LYST: variants seen among roughly 807,000 people sequenced by gnomAD.
LYST encodes lysosomal trafficking regulator, also known as lysosomal-trafficking regulator.
LYST carries 192 observed loss-of-function variants against 413.6 expected under a neutral mutation model. The observed-to-expected ratio is 0.46, with a 90% confidence interval of 0.41 to 0.52. LYST has a LOEUF of 0.52. Ranked by LOEUF, LYST falls within the 20% of genes least tolerant of loss-of-function variation. LYST has a pLI of 0.00. For missense variants in LYST, 3,815 were observed against 4,499.9 expected (o/e 0.85, Z 4.35); for synonymous variants, 1,525 against 1,567.3 (o/e 0.97, Z 0.64).
At chr1:235,793,458 G>C in intron 11 of LYST, 45 bp downstream of exon 11, 1 of 893,538 alleles carries the variant, frequency 1.1e-6, no homozygotes, top group Non-Finnish European at 1.8e-6. Context: ...AATTGTAAGT[G>C]AAAGAATTTA....
At chr1:235,713,560 G>A (rs777049882) in intron 42 of LYST, among the ~76,000 whole-genome samples, 1 of 152,164 alleles carries the variant, frequency 6.6e-6, no homozygotes, top group Admixed American at 6.5e-5. Context: ...GCCCTCCAGG[G>A]GTTATTTGGC....
chr1:235,778,936 G>A (rs888868637), intron 16 of LYST, among the ~76,000 whole-genome samples: 4 of 150,724 alleles, frequency 2.7e-5, no homozygotes, highest in East Asian at 2.0e-4. Context: ...GCGCATTCTC[G>A]GCTCTCTGCA....
At chr1:235,754,860 G>C (rs950103428) in intron 25 of LYST, among the ~76,000 whole-genome samples, 1 of 151,196 alleles carries the variant, frequency 6.6e-6, no homozygotes, top group Non-Finnish European at 1.5e-5. Context: ...GATGGCTTGA[G>C]GTCAGGAGTT....
At chr1:235,679,035 A>G (rs1198667480) in intron 48 of LYST, among the ~76,000 whole-genome samples, 1 of 152,240 alleles carries the variant, frequency 6.6e-6, no homozygotes, top group African/African-American at 2.4e-5. Flanking sequence ...ATAAAAATAC[A>G]TATTTTACAC....
In LYST at chr1:235,662,695, A is replaced by T. The variant is rs1658131193; in HGVS notation, c.*245T>A. On this transcript the variant is annotated 3_prime_UTR_variant, in exon 53 of 53. Transcript: ENST00000389793. ...GAATATCATTTTAATGTACCATGCG[A>T]GGCTTAAAACTTGTTGGCTAGTGCA... is the stretch of plus-strand genomic sequence containing the variant. 1 of 543,130 alleles carries T rather than the reference A, an allele frequency of 1.8e-6. No individual in the cohort carries two copies. The highest frequency in any genetic ancestry group is 2.0e-5 in the South Asian group (1 of 50,566). The allele number at this position is 543,130 out of a possible 1,614,324, so 33.6% of individuals were successfully genotyped here. A position where few individuals can be genotyped will look rare whatever the true frequency, so the allele number is the denominator to read the frequency against.
At position 235,755,927 on chromosome 1, in the gene LYST, G is replaced by A. The variant is rs115968700; in HGVS notation, c.7060-280C>T. Among the ~76,000 whole-genome samples the A allele has an allele frequency of 0.012, 1,872 of 152,214 alleles. 14 individuals are homozygous for A. The highest frequency in any genetic ancestry group is 0.019 in the Admixed American group (288 of 15,286). The stretch of plus-strand genomic sequence containing the variant: ...GACACCTGGTAGACTGGCAGCCTTA[G>A]TTGAGTATAAATAGAATATTTGTAC... On this transcript the variant is annotated intron_variant, in intron 24 of 52. Transcript: ENST00000389793.
chr1:235,834,565 T>C (rs1572404577), intron 1 of LYST, among the ~76,000 whole-genome samples: 3 of 152,208 alleles, frequency 2.0e-5, no homozygotes, highest in East Asian at 3.9e-4. Context: ...TACTTCAAAA[T>C]GCTCAAATCT....
chr1:235,703,008 A>C, intron 44 of LYST, 31 bp from the exon 45 acceptor site: 1 of 1,450,024 alleles, frequency 6.9e-7, no homozygotes, highest in South Asian at 1.1e-5. Context: ...GGAACAAGAC[A>C]TATGTAGTAA....
chr1:235,662,911 G>A lies in LYST; in HGVS notation c.*29C>T, dbSNP rs1471065425. 7.9e-7 allele frequency: 1 copy of A among 1,265,754 alleles called. No individual in the cohort carries two copies. Among genetic ancestry groups the A allele is most frequent in the South Asian group, 1.2e-5 (1 of 84,162 alleles). The allele number at this position is 1,265,754 out of a possible 1,614,324, so 78.4% of individuals were successfully genotyped here. A position where few individuals can be genotyped will look rare whatever the true frequency, so the allele number is the denominator to read the frequency against. On this transcript the variant is annotated 3_prime_UTR_variant, in exon 53 of 53. Coordinates refer to ENST00000389793, the MANE Select transcript of LYST (RefSeq NM_000081.4). ...AACAAATCTAGTTTGGAGTTAAAGT[G>A]CTTTGGAGAACGTGAAGTTCATTCG...
At chr1:235,844,194 T>C (rs996532720) in intron 1 of LYST, among the ~76,000 whole-genome samples, 2 of 152,166 alleles carry the variant, frequency 1.3e-5, no homozygotes, top group East Asian at 1.9e-4. Flanking sequence ...TATTGATAGA[T>C]TGATTAGCAA....
At position 235,835,038 on chromosome 1, in the gene LYST, C is replaced by T. The variant is rs892584259; in HGVS notation, c.-97-1371G>A. On this transcript the variant is annotated intron_variant, in intron 1 of 52. Coordinates refer to ENST00000389793, the MANE Select transcript of LYST (RefSeq NM_000081.4). ...GTTCAAGTGATTTTCCTGCCTCAGC[C>T]TCCCGAGTAGCCGGGATTACAGGCG... 6.6e-4 allele frequency among the ~76,000 whole-genome samples: 101 copies of T among 152,128 alleles called. 2 individuals carry two copies. The highest frequency in any genetic ancestry group is 2.2e-3 in the African/African-American group (90 of 41,480).
In LYST at chr1:235,796,143, C is replaced by CA. The variant is rs1181463292; in HGVS notation, c.4007-2532dup. Reference sequence around the variant, plus strand: ...GAGGCTCAAGATAACAATTAGAATACAAAAAAAGAGGAGGGAATATGGAGA... The same window carrying CA: ...GAGGCTCAAGATAACAATTAGAATACAAAAAAAAGAGGAGGGAATATGGAGA... On this transcript the variant is annotated intron_variant, in intron 10 of 52. Coordinates refer to ENST00000389793, the MANE Select transcript of LYST (RefSeq NM_000081.4). Among the ~76,000 whole-genome samples, 6 of 151,252 alleles carry CA rather than the reference C, an allele frequency of 4.0e-5. No homozygotes were observed. In the South Asian group the frequency reaches 1.0e-3, roughly 26 times the overall value.
rs753604024 is a variant in LYST, at chr1:235,733,698, AAAT to A, written c.8613-10_8613-8del. ...ATCCAGACGCTGAAAGAGACTAAACAAATAATAAGATTGTCCATAGTTAAGCAT... is the reference window on the plus strand; with the variant it reads ...ATCCAGACGCTGAAAGAGACTAAACAAATAAGATTGTCCATAGTTAAGCAT... On this transcript the variant is annotated splice_region_variant and splice_polypyrimidine_tract_variant and intron_variant, in intron 33 of 52. Transcript: ENST00000389793. The A allele has an allele frequency of 5.0e-6, 8 of 1,608,214 alleles. No homozygotes were observed. The highest frequency in any genetic ancestry group is 6.0e-6 in the Non-Finnish European group (7 of 1,174,720).
chr1:235,846,662 G>C (rs936526555), intron 1 of LYST, among the ~76,000 whole-genome samples: 3 of 151,982 alleles, frequency 2.0e-5, no homozygotes, highest in African/African-American at 7.2e-5. Context: ...CAAAGAAATA[G>C]ATAGCATAAA....
chr1:235,677,082 C>T lies in LYST; in HGVS notation c.11038+9G>A. ...GCCAGCCCTGTGCTTTGGGTTGGAG[C>T]AAGCTCACCTGAATCACACACAGTA... On this transcript the variant is annotated intron_variant, in intron 50 of 52. Coordinates refer to ENST00000389793, the MANE Select transcript of LYST (RefSeq NM_000081.4). The T allele has an allele frequency of 6.2e-7, 1 of 1,609,784 alleles. No homozygotes were observed. The highest frequency in any genetic ancestry group is 8.5e-7 in the Non-Finnish European group (1 of 1,176,152).
rs1387388392 is a variant in LYST, at chr1:235,715,486, C to T, written c.9628-129G>A. The T allele has an allele frequency of 9.6e-6, 8 of 829,408 alleles. No homozygotes were observed. In the East Asian group the frequency reaches 1.9e-4, roughly 19 times the overall value. 51.4% of individuals were successfully genotyped at this position (829,408 alleles called of 1,614,324 possible). ...AGGCCATTCTCCATGGCTGGCCCTC[C>T]CACTCTTACCCAGGAGACTTCAGCC... is the stretch of plus-strand genomic sequence containing the variant. On this transcript the variant is annotated intron_variant, in intron 41 of 52. Coordinates refer to ENST00000389793, the MANE Select transcript of LYST (RefSeq NM_000081.4).
At chr1:235,707,132 G>A (rs1176925896) in intron 44 of LYST, among the ~76,000 whole-genome samples, 4 of 152,018 alleles carry the variant, frequency 2.6e-5, no homozygotes, top group Non-Finnish European at 1.5e-5. Context: ...TCCTTTCAGC[G>A]GCCTCATTTG....
intron 3 of LYST, among the ~76,000 whole-genome samples, chr1:235,814,188 G>A (rs1673786083): frequency 6.6e-6 from 1 of 152,194 alleles, no homozygotes; most frequent in Admixed American, 6.5e-5. Context: ...AAATTTACAA[G>A]TGGTATTAGG....
intron 31 of LYST, chr1:235,738,858 A>G: frequency 1.3e-6 from 1 of 765,302 alleles, no homozygotes; most frequent in Non-Finnish European, 2.4e-6. Context: ...TGTCTTCCTT[A>G]GCATTCCTTG....
Sources: allele counts gnomAD v4.1 joint callset (sites outside exome capture counted in the v4.1 genomes callset), GRCh38; gene constraint gnomAD v4.1.1; transcripts MANE v1.5; gene names NCBI Gene and HGNC (gene_info 2026-07-23, HGNC 2026-07-21).